KCNH1: variants seen among roughly 807,000 people sequenced by gnomAD.
KCNH1 encodes the protein potassium voltage-gated channel subfamily H member 1.
In KCNH1, 27 loss-of-function variants were observed where a neutral mutation model predicts 69.2. That is an observed-to-expected ratio of 0.39 (90% CI 0.29 to 0.54). The LOEUF (loss-of-function observed/expected upper bound fraction) is 0.54, where lower values mean the gene tolerates loss of function less well. KCNH1 is among the 20% of genes least tolerant of loss of function. KCNH1 has a pLI of 0.68. For missense variants in KCNH1, 798 were observed against 1,261.6 expected (o/e 0.63, Z 5.57); for synonymous variants, 456 against 487.7 (o/e 0.93, Z 0.86).
intron 9 of KCNH1, among the ~76,000 whole-genome samples, chr1:210,780,437 T>G (rs1185059681): frequency 6.6e-6 from 1 of 152,132 alleles, no homozygotes; most frequent in African/African-American, 2.4e-5. Flanking sequence ...TAAAAAAAAT[T>G]CATTCAGTCA....
intron 10 of KCNH1, among the ~76,000 whole-genome samples, chr1:210,708,906 G>A (rs1681982200): frequency 6.6e-6 from 1 of 152,166 alleles, no homozygotes; most frequent in Non-Finnish European, 1.5e-5. Context: ...GGAGGCATTT[G>A]GATTTGAGGC....
chr1:210,767,951 G>GATTCCA (rs949216026), intron 10 of KCNH1, among the ~76,000 whole-genome samples: 1 of 152,046 alleles, frequency 6.6e-6, no homozygotes, highest in African/African-American at 2.4e-5. Context: ...CATTCATTCT[G>GATTCCA]TTATAGGAGG....
intron 10 of KCNH1, among the ~76,000 whole-genome samples, chr1:210,716,464 A>G (rs114446909): frequency 0.017 from 2,592 of 148,884 alleles, 36 homozygotes; most frequent in Middle Eastern, 0.038. Context: ...TTACACAACC[A>G]TCTAGACTTT....
intron 10 of KCNH1, among the ~76,000 whole-genome samples, chr1:210,686,862 T>A (rs1054646999): frequency 6.6e-6 from 1 of 152,224 alleles, no homozygotes; most frequent in African/African-American, 2.4e-5. Context: ...AAATTTTTGC[T>A]TATTATTTGC....
At chr1:211,115,514 A>G (rs534554226) in intron 1 of KCNH1, among the ~76,000 whole-genome samples, 2 of 151,910 alleles carry the variant, frequency 1.3e-5, no homozygotes, top group East Asian at 3.9e-4. Context: ...AGAAAAACGT[A>G]AAAAGGCAAG....
intron 5 of KCNH1, among the ~76,000 whole-genome samples, chr1:211,028,318 A>G (rs1160017742): frequency 6.6e-6 from 1 of 152,098 alleles, no homozygotes; most frequent in Non-Finnish European, 1.5e-5. Flanking sequence ...AAGTACTACA[A>G]AAAGGGAAAT....
Position 210,680,168 on chromosome 1 carries a change from A to G in KCNH1, c.*3113T>C, listed in dbSNP as rs1169875780. ...TTGACCATCTTAGTTCTTAGAGTTA[A>G]CCTTAAACCCACCCCTCCATCAGCC... On this transcript the variant is annotated 3_prime_UTR_variant, in exon 11 of 11. Coordinates refer to ENST00000271751, the MANE Select transcript of KCNH1 (RefSeq NM_172362.3). 6.6e-6 allele frequency: 1 copy of G among 152,040 alleles called. No individual in the cohort carries two copies. The highest frequency in any genetic ancestry group is 2.4e-5 in the African/African-American group (1 of 41,336). The allele number at this position is 152,040 out of a possible 1,614,324, so 9.4% of individuals were successfully genotyped here. A position where few individuals can be genotyped will look rare whatever the true frequency, so the allele number is the denominator to read the frequency against.
intron 7 of KCNH1, chr1:210,861,535 T>C: frequency 1.3e-6 from 1 of 772,882 alleles, no homozygotes; most frequent in Non-Finnish European, 2.4e-6. Context: ...GGTCATCTTC[T>C]TCAATTCGAA....
chr1:210,714,201 T>C (rs1049509888), intron 10 of KCNH1, among the ~76,000 whole-genome samples: 2 of 152,154 alleles, frequency 1.3e-5, no homozygotes, highest in African/African-American at 2.4e-5. Flanking sequence ...TAATAGCTAA[T>C]GGCTGTGTGT....
At chr1:211,111,577 C>A (rs1209966812) in intron 1 of KCNH1, among the ~76,000 whole-genome samples, 1 of 149,984 alleles carries the variant, frequency 6.7e-6, no homozygotes, top group Non-Finnish European at 1.5e-5. Context: ...GTGAGGAGCG[C>A]CTCTGCCCAG....
chr1:210,892,917 T>A (rs1035252850), intron 7 of KCNH1, among the ~76,000 whole-genome samples: 16 of 152,156 alleles, frequency 1.1e-4, no homozygotes, highest in African/African-American at 3.6e-4. Flanking sequence ...CTAGAAGAGT[T>A]ATACAAGTAG....
At chr1:211,054,748 T>C (rs532147147) in intron 5 of KCNH1, among the ~76,000 whole-genome samples, 113 of 151,840 alleles carry the variant, frequency 7.4e-4, no homozygotes, top group African/African-American at 2.6e-3. Flanking sequence ...AAATGTAATC[T>C]ATAAAAGAAC....
intron 9 of KCNH1, among the ~76,000 whole-genome samples, chr1:210,797,107 C>T (rs1229884000): frequency 1.9e-5 from 2 of 104,570 alleles, no homozygotes; most frequent in African/African-American, 8.2e-5. Flanking sequence ...ATGCTATCCC[C>T]TCTTTTTAGG....
chr1:210,694,842 G>A (rs1010156518), intron 10 of KCNH1, among the ~76,000 whole-genome samples: 1 of 152,212 alleles, frequency 6.6e-6, no homozygotes, highest in African/African-American at 2.4e-5. Context: ...AGTGCCTACT[G>A]AATACAGAGC....
chr1:211,123,950 T>G (rs943688108), intron 1 of KCNH1, among the ~76,000 whole-genome samples: 1 of 152,018 alleles, frequency 6.6e-6, no homozygotes, highest in Non-Finnish European at 1.5e-5. Context: ...GGAGACATTT[T>G]AAATGAAGAG....
intron 7 of KCNH1, among the ~76,000 whole-genome samples, chr1:210,857,834 T>C (rs968528890): frequency 6.6e-6 from 1 of 152,170 alleles, no homozygotes; most frequent in Admixed American, 6.5e-5. Context: ...AGCAAGCCAA[T>C]CTCTCTACGC....
intron 7 of KCNH1, among the ~76,000 whole-genome samples, chr1:210,812,907 A>G (rs1479382839): frequency 6.6e-6 from 1 of 152,128 alleles, no homozygotes; most frequent in Non-Finnish European, 1.5e-5. Flanking sequence ...TCAGAGTTAT[A>G]CTCTTCTGGG....
intron 9 of KCNH1, among the ~76,000 whole-genome samples, chr1:210,781,321 G>A (rs61829494): frequency 0.17 from 26,500 of 152,030 alleles, 3,053 homozygotes; most frequent in Non-Finnish European, 0.26. Flanking sequence ...GGCTGAGAGA[G>A]GTGCCAGAAA....
At position 210,860,682 on chromosome 1, in the gene KCNH1, T is replaced by A; in HGVS notation, c.1463-56516A>T. On this transcript the variant is annotated intron_variant, in intron 7 of 10. Coordinates refer to ENST00000271751, the MANE Select transcript of KCNH1 (RefSeq NM_172362.3). The stretch of plus-strand genomic sequence containing the variant: ...CAGGTCTGATAAATGCTGTGATACA[T>A]TCTTTAGATTTTTCTTGATTGCTGA... 3 of 774,612 alleles carry A rather than the reference T, an allele frequency of 3.9e-6. No individual in the cohort carries two copies. The South Asian group carries it at 4.2e-5, about 11-fold the overall frequency. The allele number at this position is 774,612 out of a possible 1,614,324, so 48.0% of individuals were successfully genotyped here. A position where few individuals can be genotyped will look rare whatever the true frequency, so the allele number is the denominator to read the frequency against.
Sources: gnomAD v4.1 joint callset for allele counts (sites outside exome capture counted in the v4.1 genomes callset) on GRCh38, gnomAD v4.1.1 for gene constraint, MANE v1.5 for transcripts, NCBI Gene and HGNC (gene_info 2026-07-23, HGNC 2026-07-21) for gene names.